RUBCNL: variants seen among roughly 807,000 people sequenced by gnomAD.
RUBCNL encodes the protein protein associated with UVRAG as autophagy enhancer.
RUBCNL carries 62 observed loss-of-function variants against 69.5 expected under a neutral mutation model. The observed-to-expected ratio is 0.89, with a 90% CI of 0.73 to 1.10. The LOEUF is 1.10. Ranked by LOEUF, RUBCNL falls within the 50% of genes least tolerant of loss-of-function variation. The probability of loss-of-function intolerance (pLI) is 0.00; values close to 1 mark genes in which losing one functional copy is unlikely to be tolerated. For missense variants in RUBCNL, 768 were observed against 798.1 expected (o/e 0.96, Z 0.45); for synonymous variants, 291 against 303.6 (o/e 0.96, Z 0.43).
intron 10 of RUBCNL, 78 bp from the exon 11 acceptor site, chr13:46,350,429 A>G (rs1189628283): frequency 2.0e-6 from 2 of 1,023,118 alleles, no homozygotes; most frequent in Non-Finnish European, 2.8e-6. Flanking sequence ...TCCAATTCCT[A>G]CGCAAGATTC....
rs560847335 is a variant in RUBCNL, at chr13:46,383,396, T to C, written c.-239+3738A>G. On this transcript the variant is annotated intron_variant, in intron 1 of 14. Coordinates refer to ENST00000429979, the MANE Select transcript of RUBCNL (RefSeq NM_025113.5). ...ACCACATCTCTACAGATAACCACTC[T>C]CTCCATGTACTGCCCCATAGCCTTC... 3.7e-4 allele frequency among the ~76,000 whole-genome samples: 56 copies of C among 152,268 alleles called. No homozygotes were observed. In the South Asian group the frequency reaches 0.011, roughly 29 times the overall value.
chr13:46,347,501 T>C (rs1441418216), intron 12 of RUBCNL, among the ~76,000 whole-genome samples: 2 of 152,160 alleles, frequency 1.3e-5, no homozygotes, highest in Non-Finnish European at 2.9e-5. Flanking sequence ...AAGTACAATT[T>C]TTGAAGACCA....
intron 9 of RUBCNL, among the ~76,000 whole-genome samples, chr13:46,358,438 C>G (rs2048537732): frequency 6.6e-6 from 1 of 152,214 alleles, no homozygotes; most frequent in South Asian, 2.1e-4. Flanking sequence ...TACAATTAAA[C>G]TATTACTTTA....
At chr13:46,387,339 T>C (rs2138870900), upstream of RUBCNL, 4 of 985,514 alleles carry the variant, frequency 4.1e-6, no homozygotes, top group East Asian at 3.4e-4. Flanking sequence ...CGTAGCTCTC[T>C]AGAAGCTCCT....
intron 10 of RUBCNL, 188 bp from the exon 11 acceptor site, chr13:46,350,539 T>C (rs2048349067): frequency 1.9e-6 from 1 of 540,496 alleles, no homozygotes; most frequent in Non-Finnish European, 3.3e-6. Flanking sequence ...ATCATGGCCA[T>C]TCATGAGCTC....
At position 46,372,060 on chromosome 13, in the gene RUBCNL, G is replaced by A; in HGVS notation, c.416C>T (p.Pro139Leu). The change falls in exon 3 of 15, where the codon CCA (proline) becomes CTA (leucine). Residue 139 changes from proline to leucine, a missense_variant. Pro to Leu is a moderately conservative substitution (Grantham distance 98). Coordinates refer to ENST00000429979, the MANE Select transcript of RUBCNL (RefSeq NM_025113.5). ...LSSTEVHMVR[P>L]GYSHRVSLPT... Reference sequence around the variant, plus strand: ...CAGAGACACCCGATGAGAGTATCCTGGGCGGACCATGTGTACCTCTGTTGA... The same window carrying A: ...CAGAGACACCCGATGAGAGTATCCTAGGCGGACCATGTGTACCTCTGTTGA... 1.9e-6 allele frequency: 3 copies of A among 1,613,996 alleles called. No homozygotes were observed. The African/African-American group carries it at 4.0e-5, about 22-fold the overall frequency.
intron 5 of RUBCNL, among the ~76,000 whole-genome samples, chr13:46,364,591 T>C (rs1350295432): frequency 4.0e-5 from 6 of 151,392 alleles, no homozygotes; most frequent in Non-Finnish European, 5.9e-5. Context: ...ACAATTTACA[T>C]TGTGACTTAG....
intron 5 of RUBCNL, among the ~76,000 whole-genome samples, chr13:46,363,631 T>C (rs2048681806): frequency 6.6e-6 from 1 of 151,980 alleles, no homozygotes; most frequent in South Asian, 2.1e-4. Context: ...GGTAGGAGAA[T>C]CACTTGAGCC....
rs182036493 is a variant in RUBCNL at position 46,352,681 on chromosome 13, G to A, written c.1331-2330C>T. ...TAGATTGGAGTGGCGGTGCATGCTT[G>A]TAATCCCTGCTACTTGGGAGGCTGA... On this transcript the variant is annotated intron_variant, in intron 10 of 14. Transcript: ENST00000429979. 1.2e-4 allele frequency among the ~76,000 whole-genome samples: 19 copies of A among 152,282 alleles called. No individual in the cohort carries two copies. The East Asian group carries it at 3.7e-3, about 29-fold the overall frequency.
In RUBCNL at chr13:46,371,963, A is replaced by G; in HGVS notation, c.513T>C (p.His171=). Residue 171 remains histidine (H), a synonymous_variant, in exon 3 of 15, where the codon CAT becomes CAC. Transcript: ENST00000429979. ...TACCTTCATCAGCAGCAGATGTCAG[A>G]TGGGAAGGCTCAAAAAAAGCACTGT... ...ETDSAFFEPS[H]LTSAADEGAV... 1 of 1,614,016 alleles carries G rather than the reference A, an allele frequency of 6.2e-7. No individual in the cohort carries two copies. The highest frequency in any genetic ancestry group is 8.5e-7 in the Non-Finnish European group (1 of 1,179,876).
rs1276718454 is a variant in RUBCNL at position 46,339,922 on chromosome 13, C to T, written c.*3463G>A. Among the ~76,000 whole-genome samples the T allele has an allele frequency of 5.3e-5, 8 of 151,712 alleles. No homozygotes were observed. Among genetic ancestry groups the T allele is most frequent in the African/African-American group, 1.9e-4 (8 of 41,336 alleles). Reference sequence around the variant, plus strand: ...CCCAGGAATTTATTCTCTCATAATTCTCAATGTCAGAAGTTTGAAATCAAG... The same window carrying T: ...CCCAGGAATTTATTCTCTCATAATTTTCAATGTCAGAAGTTTGAAATCAAG... On this transcript the variant is annotated 3_prime_UTR_variant, in exon 15 of 15. Transcript: ENST00000429979.
intron 5 of RUBCNL, among the ~76,000 whole-genome samples, chr13:46,367,660 C>T (rs905968918): frequency 1.3e-5 from 2 of 152,186 alleles, no homozygotes; most frequent in East Asian, 1.9e-4. Context: ...TTTTACTTCC[C>T]GTGGTTTTAG....
chr13:46,349,456 TAAAACAAACCTTG>T, intron 11 of RUBCNL, 109 bp from the exon 12 acceptor site: 1 of 1,072,302 alleles, frequency 9.3e-7, no homozygotes, highest in Non-Finnish European at 1.4e-6. Context: ...TGCACTTGTA[TAAAACAAACCTTG>T]AAAGCAAACC....
At chr13:46,364,121 C>T (rs963746884) in intron 5 of RUBCNL, among the ~76,000 whole-genome samples, 16 of 152,010 alleles carry the variant, frequency 1.1e-4, no homozygotes, top group African/African-American at 2.9e-4. Context: ...GTGGGCTGGG[C>T]GCAGTGGCTC....
chr13:46,361,126 G>A (rs1321643826), intron 8 of RUBCNL, among the ~76,000 whole-genome samples: 3 of 152,226 alleles, frequency 2.0e-5, no homozygotes, highest in Non-Finnish European at 2.9e-5. Context: ...TTGGGAGGCT[G>A]AGGCAGGAGA....
At chr13:46,348,832 G>A (rs1292067900) in intron 12 of RUBCNL, among the ~76,000 whole-genome samples, 1 of 152,062 alleles carries the variant, frequency 6.6e-6, no homozygotes, top group Non-Finnish European at 1.5e-5. Flanking sequence ...TCGATCTCTT[G>A]ACCTCGTGAT....
chr13:46,368,811 A>G lies in RUBCNL; in HGVS notation c.540T>C (p.Ala180=). 2 of 1,611,174 alleles carry G rather than the reference A, an allele frequency of 1.2e-6. No homozygotes were observed. Among genetic ancestry groups the G allele is most frequent in the South Asian group, 2.2e-5 (2 of 90,248 alleles). ...SHLTSAADEG[A]VQVSRRTISS... is the part of the protein sequence containing the mutation. ...AAATGGTTCTTCTACTGACTTGAAC[A>G]GCACCTGCCAATATAGCAAATTGTT... Residue 180 remains alanine, a synonymous_variant, in exon 4 of 15, where the codon GCT becomes GCC. Transcript: ENST00000429979.
intron 2 of RUBCNL, among the ~76,000 whole-genome samples, chr13:46,376,121 G>C (rs1382748225): frequency 6.6e-6 from 1 of 152,090 alleles, no homozygotes; most frequent in East Asian, 1.9e-4. Context: ...TTAATCAACT[G>C]TTTATGTTAT....
At position 46,362,546 on chromosome 13, in the gene RUBCNL, G is replaced by A; in HGVS notation, c.978C>T (p.Ser326=). The A allele has an allele frequency of 6.2e-7, 1 of 1,608,140 alleles. No homozygotes were observed. The highest frequency in any genetic ancestry group is 8.5e-7 in the Non-Finnish European group (1 of 1,176,884). ...GCACAGAAGACAGATACCTCTTAGA[G>A]GAGCTGCAGGAACAGCTACAGGTTT... The part of the protein sequence containing the change: ...ITETCSCSCS[S]SKSVTYEPDF... The change falls in exon 7 of 15, where the codon TCC becomes TCT. Residue 326 remains serine, a synonymous_variant. Transcript: ENST00000429979.
Sources: gnomAD v4.1 joint callset for allele counts (sites outside exome capture counted in the v4.1 genomes callset) on GRCh38, gnomAD v4.1.1 for gene constraint, MANE v1.5 for transcripts, NCBI Gene and HGNC (gene_info 2026-07-23, HGNC 2026-07-21) for gene names.